AACS: variants seen among roughly 807,000 people sequenced by gnomAD.
The protein encoded by AACS is acetoacetyl-CoA synthetase.
A neutral mutation model predicts 83.1 loss-of-function variants in AACS; 69 were observed. The observed-to-expected ratio is 0.83, with a 90% CI of 0.68 to 1.01. The LOEUF (loss-of-function observed/expected upper bound fraction) is 1.01. Ranked by LOEUF, AACS falls within the 50% of genes least tolerant of loss-of-function variation. The pLI is 0.00. For missense variants in AACS, 866 were observed against 882.2 expected (o/e 0.98, Z 0.23); for synonymous variants, 333 against 343.4 (o/e 0.97, Z 0.33).
Position 125,142,287 on chromosome 12 carries a change from C to A in AACS, c.*58C>A. ...CCGTGTGCACTGTAACTTTTGTGTG[C>A]TCAAGAAATTATACAGAAACCTACA... On this transcript the variant is annotated 3_prime_UTR_variant, in exon 18 of 18. Transcript: ENST00000316519. 1 of 1,588,606 alleles carries A rather than the reference C, an allele frequency of 6.3e-7. No homozygotes were observed.
At chr12:125,077,442 G>A (rs569452435) in intron 3 of AACS, among the ~76,000 whole-genome samples, 4 of 151,114 alleles carry the variant, frequency 2.6e-5, no homozygotes, top group African/African-American at 9.7e-5. Flanking sequence ...CCCAGGAGGC[G>A]GAGCTTGCAG....
In AACS at chr12:125,073,953, A is replaced by G. The variant is rs762567525; in HGVS notation, c.211A>G (p.Ile71Val). 1.2e-6 allele frequency: 2 copies of G among 1,613,928 alleles called. No individual in the cohort carries two copies. The highest frequency in any genetic ancestry group is 1.7e-6 in the Non-Finnish European group (2 of 1,179,850). The change falls in exon 2 of 18, where the codon ATT becomes GTT. Residue 71 changes from isoleucine (I) to valine (V), a missense_variant. Ile to Val is a conservative substitution (Grantham distance 29, BLOSUM62 3). Coordinates refer to ENST00000316519, the MANE Select transcript of AACS (RefSeq NM_023928.5). ...GGCAGAGTTCTGGAAATTCAGTGGA[A>G]TTGTCTTCTCACGTGTGTATGATGA... ...FWAEFWKFSGIVFSRVYDEVV... is the reference protein window; with the variant it reads ...FWAEFWKFSGVVFSRVYDEVV...
At chr12:125,112,129 T>A (rs935258168) in intron 8 of AACS, among the ~76,000 whole-genome samples, 2 of 152,218 alleles carry the variant, frequency 1.3e-5, no homozygotes, top group Admixed American at 1.3e-4. Flanking sequence ...AAAGATTTAG[T>A]TCATGGAGAC....
intron 1 of AACS, among the ~76,000 whole-genome samples, chr12:125,070,298 T>C (rs1253040143): frequency 1.3e-5 from 2 of 152,180 alleles, no homozygotes; most frequent in Non-Finnish European, 2.9e-5. Flanking sequence ...GTGCCATCTA[T>C]TGGAGTTAAC....
rs186503661 is a variant in AACS at position 125,086,575 on chromosome 12, C to T, written c.472+132C>T. ...CATGGAACCTTGTGGGACTTGGACT[C>T]TACATGCAAGGAGAAAAAATAGACC... On this transcript the variant is annotated intron_variant, in intron 4 of 17. Coordinates refer to ENST00000316519, the MANE Select transcript of AACS (RefSeq NM_023928.5). 3 of 771,076 alleles carry T rather than the reference C, an allele frequency of 3.9e-6. No homozygotes were observed. In the South Asian group the frequency reaches 5.4e-5, roughly 14 times the overall value. The allele number at this position is 771,076 out of a possible 1,614,324, so 47.8% of individuals were successfully genotyped here.
intron 5 of AACS, among the ~76,000 whole-genome samples, chr12:125,096,155 G>A (rs537437613): frequency 3.3e-5 from 5 of 152,100 alleles, no homozygotes; most frequent in South Asian, 2.1e-4. Flanking sequence ...TAGTAGAGAC[G>A]GGGTTTCACC....
chr12:125,142,353 T>A lies in AACS; in HGVS notation c.*124T>A, dbSNP rs1032553000. 2.2e-6 allele frequency: 3 copies of A among 1,350,442 alleles called. No individual in the cohort carries two copies. The highest frequency in any genetic ancestry group is 3.0e-6 in the Non-Finnish European group (3 of 999,312). 83.7% of individuals were successfully genotyped at this position (1,350,442 alleles called of 1,614,324 possible). ...TGCTCGCACCAAGTGTTCTGTAGGC[T>A]TGGGGAGGGATCGTTTCTCTGTTTT... On this transcript the variant is annotated 3_prime_UTR_variant, in exon 18 of 18. Coordinates refer to ENST00000316519, the MANE Select transcript of AACS (RefSeq NM_023928.5).
intron 17 of AACS, chr12:125,138,264 T>G (rs760595433): frequency 6.6e-6 from 1 of 152,238 alleles, no homozygotes; most frequent in Non-Finnish European, 1.5e-5. Flanking sequence ...GTCCACACGT[T>G]TCCTTTGTGT....
In AACS at chr12:125,129,670, A is replaced by C. The variant is rs139008698; in HGVS notation, c.1549+210A>C. On this transcript the variant is annotated intron_variant, in intron 14 of 17. Transcript: ENST00000316519. The surrounding 1 kb of genome is among the most constrained non-coding windows in gnomAD (Gnocchi z 4.3). The stretch of plus-strand genomic sequence containing the variant: ...CTTGAAGCTATCGTGTGCAACTGCA[A>C]TCTGGTTTAGTTGAATCTCAGCCAC... Among the ~76,000 whole-genome samples the C allele has an allele frequency of 6.6e-6, 1 of 152,154 alleles. No homozygotes were observed. Among genetic ancestry groups the C allele is most frequent in the Admixed American group, 6.5e-5 (1 of 15,276 alleles).
rs1956557208 is a variant in AACS, at chr12:125,094,355, C to T, written c.570+2832C>T. On this transcript the variant is annotated intron_variant, in intron 5 of 17. Coordinates refer to ENST00000316519, the MANE Select transcript of AACS (RefSeq NM_023928.5). The surrounding 1 kb of genome is among the most constrained non-coding windows in gnomAD (Gnocchi z 4.1). Reference sequence around the variant, plus strand: ...TTTCTCTTGCTTTGAAATTATATTTCTTTGAATCTCAGAGAATATCGTAAA... The same window carrying T: ...TTTCTCTTGCTTTGAAATTATATTTTTTTGAATCTCAGAGAATATCGTAAA... Among the ~76,000 whole-genome samples the T allele has an allele frequency of 6.6e-6, 1 of 152,150 alleles. No homozygotes were observed. The highest frequency in any genetic ancestry group is 1.5e-5 in the Non-Finnish European group (1 of 68,040).
At chr12:125,112,054 G>A (rs1485484557) in intron 8 of AACS, among the ~76,000 whole-genome samples, 1 of 152,236 alleles carries the variant, frequency 6.6e-6, no homozygotes, top group Non-Finnish European at 1.5e-5. Context: ...GAAAAAGAAA[G>A]TGGGAGAGGG....
At chr12:125,068,415 C>T (rs1247573189) in intron 1 of AACS, among the ~76,000 whole-genome samples, 1 of 152,114 alleles carries the variant, frequency 6.6e-6, no homozygotes. Context: ...GCCGAGATCT[C>T]GCCACTGCAC....
chr12:125,114,865 C>T (rs1318487421), intron 9 of AACS, among the ~76,000 whole-genome samples: 3 of 150,764 alleles, frequency 2.0e-5, no homozygotes, highest in South Asian at 2.1e-4. Flanking sequence ...AGGGCTTCCC[C>T]GGGCGCCGGC....
rs368032917 is a variant in AACS at position 125,076,514 on chromosome 12, C to T, written c.261C>T (p.Ile87=). The T allele has an allele frequency of 5.0e-5, 81 of 1,614,008 alleles. No homozygotes were observed. In the Middle Eastern group the frequency reaches 6.6e-4, roughly 13 times the overall value. The part of the protein sequence containing the change: ...YDEVVDTSKG[I]ADVPEWFKGS... ...AGGTTGTGGACACATCGAAAGGAAT[C>T]GCAGATGTCCCCGAGTGGTTCAAAG... Residue 87 remains isoleucine, a synonymous_variant, in exon 3 of 18, where the codon ATC becomes ATT. Coordinates refer to ENST00000316519, the MANE Select transcript of AACS (RefSeq NM_023928.5).
intron 5 of AACS, chr12:125,102,280 C>T (rs140433361): frequency 5.4e-6 from 1 of 186,284 alleles, no homozygotes; most frequent in Non-Finnish European, 1.1e-5. Context: ...GAACTCCTGA[C>T]CTCAAGTGAT....
intron 9 of AACS, chr12:125,117,569 C>T (rs190244546): frequency 6.6e-6 from 1 of 152,340 alleles, no homozygotes; most frequent in Non-Finnish European, 1.5e-5. Flanking sequence ...CTTTTAGCAG[C>T]TTTGTTGGAC....
At chr12:125,067,141 C>CA (rs1955723875) in intron 1 of AACS, among the ~76,000 whole-genome samples, 1 of 152,194 alleles carries the variant, frequency 6.6e-6, no homozygotes, top group Non-Finnish European at 1.5e-5. Context: ...TGGCAGCTTC[C>CA]AGGCCCTCCA....
chr12:125,074,584 A>T (rs1165252911), intron 2 of AACS, among the ~76,000 whole-genome samples: 1 of 152,042 alleles, frequency 6.6e-6, no homozygotes, highest in Non-Finnish European at 1.5e-5. Context: ...TACATATATC[A>T]TAAACTATTA....
At chr12:125,084,944 C>T (rs1473176616) in intron 3 of AACS, among the ~76,000 whole-genome samples, 2 of 152,168 alleles carry the variant, frequency 1.3e-5, no homozygotes, top group Non-Finnish European at 2.9e-5. Flanking sequence ...AACTCCTAAC[C>T]TCATGTGATC....
Sources: allele counts gnomAD v4.1 joint callset (sites outside exome capture counted in the v4.1 genomes callset), GRCh38; gene constraint gnomAD v4.1.1; non-coding constraint Gnocchi (gnomAD v3.1); transcripts MANE v1.5; gene names NCBI Gene and HGNC (gene_info 2026-07-23, HGNC 2026-07-21).